MYLK: variants seen among roughly 807,000 people sequenced by gnomAD.
MYLK encodes the protein myosin light chain kinase, smooth muscle.
In MYLK, 106 loss-of-function variants were observed where a neutral mutation model predicts 203.4. The observed-to-expected ratio is 0.52, with a 90% CI of 0.45 to 0.61. The LOEUF (loss-of-function observed/expected upper bound fraction) is 0.61. Among genes scored for constraint, MYLK ranks in the 20% least tolerant of loss-of-function variants. The probability of loss-of-function intolerance (pLI) is 0.00; values close to 1 mark genes in which losing one functional copy is unlikely to be tolerated. For missense variants in MYLK, 2,072 were observed against 2,442.3 expected (o/e 0.85, Z 3.20); for synonymous variants, 867 against 959.5 (o/e 0.90, Z 1.78).
rs905564299 is a variant in MYLK at position 123,734,204 on chromosome 3, T to C, written c.792A>G (p.Thr264=). The change falls in exon 10 of 34, where the codon ACA becomes ACG. Residue 264 remains threonine, a synonymous_variant. Coordinates refer to ENST00000360304, the MANE Select transcript of MYLK (RefSeq NM_053025.4). The part of the protein sequence containing the change: ...DSANRSFVRE[T]KATNSDVRKE... Reference sequence around the variant, plus strand: ...TCCTGACATCTGAATTGGTGGCTTTTGTTTCTCTCACAAATGACCTGTGTG... The same window carrying C: ...TCCTGACATCTGAATTGGTGGCTTTCGTTTCTCTCACAAATGACCTGTGTG... 6.5e-7 allele frequency: 1 copy of C among 1,543,484 alleles called. No individual in the cohort carries two copies. Among genetic ancestry groups the C allele is most frequent in the Admixed American group, 1.9e-5 (1 of 51,334 alleles).
chr3:123,806,880 G>C (rs185513007), intron 3 of MYLK, among the ~76,000 whole-genome samples: 2 of 151,342 alleles, frequency 1.3e-5, no homozygotes, highest in Non-Finnish European at 2.9e-5. Flanking sequence ...GGCCAGGCTG[G>C]TCTCGAACTC....
intron 8 of MYLK, chr3:123,735,743 G>C (rs184834555): frequency 5.6e-6 from 2 of 354,182 alleles, no homozygotes; most frequent in Non-Finnish European, 5.3e-6. Context: ...CCCAAATGCT[G>C]TAACTTACCA....
At chr3:123,771,239 T>C (rs2063871722) in intron 4 of MYLK, among the ~76,000 whole-genome samples, 1 of 152,224 alleles carries the variant, frequency 6.6e-6, no homozygotes, top group Admixed American at 6.5e-5. Context: ...ACTGAACTTT[T>C]CAGGTTTTCA....
At position 123,743,539 on chromosome 3, in the gene MYLK, T is replaced by C. The variant is rs141241490; in HGVS notation, c.374-3538A>G. ...AAAATCTGGCAGAACAGTAAGGTTA[T>C]GTAGAAAAATAAGTGGAAAGGGGAT... On this transcript the variant is annotated intron_variant, in intron 5 of 33. Coordinates refer to ENST00000360304, the MANE Select transcript of MYLK (RefSeq NM_053025.4). Among the ~76,000 whole-genome samples the C allele has an allele frequency of 4.8e-3, 733 of 152,236 alleles. 2 individuals carry two copies. The highest frequency in any genetic ancestry group is 8.0e-3 in the Non-Finnish European group (544 of 68,022).
rs1428257142 is a variant in MYLK, at chr3:123,700,206, C to T, written c.3262G>A (p.Glu1088Lys). 6.2e-7 allele frequency: 1 copy of T among 1,614,008 alleles called. No individual in the cohort carries two copies. Among genetic ancestry groups the T allele is most frequent in the East Asian group, 2.2e-5 (1 of 44,846 alleles). ...GTCCCCTGGCTCTCTGATCTCTTTTCATTATCTGTGGTCCCTGCATGGCCT... is the reference window on the plus strand; with the variant it reads ...GTCCCCTGGCTCTCTGATCTCTTTTTATTATCTGTGGTCCCTGCATGGCCT... The part of the protein sequence containing the change: ...KRGHAGTTDN[E>K]KRSESQGTAP... Residue 1088 changes from glutamate (E) to lysine (K), a missense_variant, in exon 18 of 34, where the codon GAA becomes AAA. Coordinates refer to ENST00000360304, the MANE Select transcript of MYLK (RefSeq NM_053025.4).
intron 24 of MYLK, among the ~76,000 whole-genome samples, chr3:123,652,757 TGAG>T (rs1360805326): frequency 6.6e-6 from 1 of 152,066 alleles, no homozygotes; most frequent in East Asian, 1.9e-4. Context: ...CAGCAGGATT[TGAG>T]GAGGAGTACA....
intron 13 of MYLK, among the ~76,000 whole-genome samples, chr3:123,713,151 T>G (rs933322249): frequency 6.6e-6 from 1 of 152,162 alleles, no homozygotes; most frequent in Non-Finnish European, 1.5e-5. Context: ...TAGTTCGGTG[T>G]CACTCATTGC....
chr3:123,630,761 A>C (rs968527590), intron 29 of MYLK: 2 of 152,220 alleles, frequency 1.3e-5, no homozygotes. Flanking sequence ...TGCAGGAATG[A>C]CTTTGTGACC....
chr3:123,725,060 G>C (rs1466391344), intron 12 of MYLK, among the ~76,000 whole-genome samples: 1 of 152,166 alleles, frequency 6.6e-6, no homozygotes, highest in Non-Finnish European at 1.5e-5. Context: ...GTCTTAAGGA[G>C]TGTATTCTAT....
intron 2 of MYLK, among the ~76,000 whole-genome samples, chr3:123,862,562 T>C (rs1324809271): frequency 2.0e-5 from 3 of 152,140 alleles, no homozygotes; most frequent in Non-Finnish European, 4.4e-5. Flanking sequence ...AACATGATGC[T>C]TGCTGACTTT....
At chr3:123,808,166 CCT>C (rs1489146822) in intron 3 of MYLK, among the ~76,000 whole-genome samples, 2 of 152,218 alleles carry the variant, frequency 1.3e-5, no homozygotes, top group Non-Finnish European at 2.9e-5. Context: ...TGTCTCTCTC[CCT>C]GTTTCTGCTA....
chr3:123,629,648 A>G lies in MYLK; in HGVS notation c.4962-22T>C. 6.2e-7 allele frequency: 1 copy of G among 1,613,184 alleles called. No homozygotes were observed. Among genetic ancestry groups the G allele is most frequent in the Non-Finnish European group, 8.5e-7 (1 of 1,179,990 alleles). ...GACTCTGGAGAGACAAGAGCAGGAC[A>G]GCAGGTGTGGCTAGGAGAGGGCGCG... On this transcript the variant is annotated intron_variant, in intron 29 of 33. Coordinates refer to ENST00000360304, the MANE Select transcript of MYLK (RefSeq NM_053025.4). The surrounding 1 kb of genome is among the most constrained non-coding windows in gnomAD (Gnocchi z 4.4).
chr3:123,858,799 G>A (rs902711918), intron 2 of MYLK, among the ~76,000 whole-genome samples: 1 of 151,982 alleles, frequency 6.6e-6, no homozygotes, highest in Non-Finnish European at 1.5e-5. Flanking sequence ...GTTTCAACAT[G>A]AGTTTTGGAG....
intron 31 of MYLK, chr3:123,622,848 A>G (rs1160559395): frequency 6.6e-6 from 1 of 152,242 alleles, no homozygotes; most frequent in East Asian, 1.9e-4. Context: ...TTACTGACCA[A>G]AGACCTTTGG....
At position 123,640,759 on chromosome 3, in the gene MYLK, T is replaced by G. The variant is rs1481390595; in HGVS notation, c.4620-255A>C. Among the ~76,000 whole-genome samples, 2 of 152,232 alleles carry G rather than the reference T, an allele frequency of 1.3e-5. No homozygotes were observed. Among genetic ancestry groups the G allele is most frequent in the African/African-American group, 4.8e-5 (2 of 41,460 alleles). On this transcript the variant is annotated intron_variant, in intron 27 of 33. Coordinates refer to ENST00000360304, the MANE Select transcript of MYLK (RefSeq NM_053025.4). This position sits in a 1 kb window ranked among gnomAD's most constrained non-coding sequence, Gnocchi z 4.3. Reference sequence around the variant, plus strand: ...AGGGAAGCATCTACACTAGGCAGTTTCAGAGGTGGGTGTGAACACAGAGAT... The same window carrying G: ...AGGGAAGCATCTACACTAGGCAGTTGCAGAGGTGGGTGTGAACACAGAGAT...
At chr3:123,687,394 C>T (rs909436706) in intron 19 of MYLK, among the ~76,000 whole-genome samples, 1 of 152,124 alleles carries the variant, frequency 6.6e-6, no homozygotes, top group African/African-American at 2.4e-5. Flanking sequence ...GGTTTAACTT[C>T]CCACTCTGCT....
At chr3:123,638,453 C>T (rs1397623509) in intron 28 of MYLK, among the ~76,000 whole-genome samples, 3 of 152,194 alleles carry the variant, frequency 2.0e-5, no homozygotes, top group African/African-American at 7.2e-5. Flanking sequence ...AAATCACCCG[C>T]CCCTGAATGG....
At chr3:123,800,603 C>A (rs1432744907) in intron 3 of MYLK, among the ~76,000 whole-genome samples, 1 of 152,120 alleles carries the variant, frequency 6.6e-6, no homozygotes, top group African/African-American at 2.4e-5. Context: ...TTGGAGCACT[C>A]CTCTAAAATG....
intron 1 of MYLK, among the ~76,000 whole-genome samples, chr3:123,877,793 C>T (rs1193640906): frequency 1.3e-5 from 2 of 152,242 alleles, no homozygotes; most frequent in East Asian, 3.9e-4. Context: ...ACCCTGTTGA[C>T]ACTAATAGGA....
Sources: gnomAD v4.1 joint callset for allele counts (sites outside exome capture counted in the v4.1 genomes callset) on GRCh38, gnomAD v4.1.1 for gene constraint, Gnocchi (gnomAD v3.1) non-coding constraint, MANE v1.5 for transcripts, NCBI Gene and HGNC (gene_info 2026-07-23, HGNC 2026-07-21) for gene names.